The following TLL2 variants were observed in gnomAD, a reference collection of about 807,000 sequenced individuals.
TLL2 encodes tolloid like 2.
Under a neutral mutation model 123.0 loss-of-function variants are expected in TLL2, and 106 were observed. The ratio of observed to expected loss-of-function variants is 0.86; its 90% CI spans 0.74 to 1.01. The LOEUF (loss-of-function observed/expected upper bound fraction) is 1.01, where lower values mean the gene tolerates loss of function less well. TLL2 is among the 50% of genes least tolerant of loss of function. The pLI, the probability that TLL2 is intolerant of heterozygous loss-of-function variation, is 0.00. For synonymous variants in TLL2, 494 were observed against 516.8 expected (o/e 0.96, Z 0.60); for missense variants, 1,332 against 1,336.7 (o/e 1.00, Z 0.06).
At chr10:96,494,853 G>T (rs536942563) in intron 1 of TLL2, among the ~76,000 whole-genome samples, 1 of 152,068 alleles carries the variant, frequency 6.6e-6, no homozygotes, top group Admixed American at 6.5e-5. Flanking sequence ...GTTGACATGC[G>T]GATCCCCAGG....
chr10:96,513,446 G>T (rs879191508), intron 1 of TLL2, 65 bp downstream of exon 1: 3 of 1,585,850 alleles, frequency 1.9e-6, no homozygotes. Context: ...GTGCAGGCTT[G>T]CCCACCACCT....
At chr10:96,468,279 C>T (rs1241010589) in intron 2 of TLL2, among the ~76,000 whole-genome samples, 1 of 152,204 alleles carries the variant, frequency 6.6e-6, no homozygotes, top group African/African-American at 2.4e-5. Context: ...TCTCAGAACT[C>T]CCACAGTGCC....
chr10:96,410,756 G>T, intron 8 of TLL2: 1 of 522,368 alleles, frequency 1.9e-6, no homozygotes, highest in Non-Finnish European at 3.6e-6. Context: ...TGTGTGGCTT[G>T]GGCAAGTTTC....
At chr10:96,420,445 C>A (rs6584073) in intron 7 of TLL2, among the ~76,000 whole-genome samples, 1,679 of 152,338 alleles carry the variant, frequency 0.011, 34 homozygotes, top group South Asian at 0.077. Context: ...AGGTGGGAAC[C>A]TGGATCCTTG....
chr10:96,471,500 T>C (rs902971364), intron 2 of TLL2, among the ~76,000 whole-genome samples: 7 of 151,966 alleles, frequency 4.6e-5, no homozygotes, highest in Admixed American at 3.3e-4. Flanking sequence ...GACACAGAAG[T>C]TGGGGGTCGC....
intron 2 of TLL2, among the ~76,000 whole-genome samples, chr10:96,473,358 G>T (rs1847203568): frequency 2.0e-5 from 3 of 152,174 alleles, no homozygotes; most frequent in Admixed American, 2.0e-4. Context: ...AAGAGGCTGA[G>T]GCAGGAGAAT....
chr10:96,384,740 G>T lies in TLL2; in HGVS notation c.2041C>A (p.Arg681Ser), dbSNP rs1209887859. ...DVCKYDFVEVRSGLSPDAKLH... is the reference protein window; with the variant it reads ...DVCKYDFVEVSSGLSPDAKLH... Reference sequence around the variant, plus strand: ...TTGGCGTCGGGGGACAGGCCGCTGCGCACCTCTACAAAGTCGTACTTACAG... The same window carrying T: ...TTGGCGTCGGGGGACAGGCCGCTGCTCACCTCTACAAAGTCGTACTTACAG... Residue 681 changes from arginine (R) to serine (S), a missense_variant, in exon 16 of 21, where the codon CGC becomes AGC. Physicochemically the swap from Arg to Ser is moderately radical, Grantham distance 110. Coordinates refer to ENST00000357947, the MANE Select transcript of TLL2 (RefSeq NM_012465.4). The T allele has an allele frequency of 1.9e-6, 3 of 1,605,208 alleles. No individual in the cohort carries two copies. Among genetic ancestry groups the T allele is most frequent in the South Asian group, 1.1e-5 (1 of 90,082 alleles).
intron 1 of TLL2, among the ~76,000 whole-genome samples, chr10:96,496,436 C>T (rs1396711272): frequency 6.6e-6 from 1 of 152,084 alleles, no homozygotes; most frequent in African/African-American, 2.4e-5. Context: ...GCGCCCTACA[C>T]AGCTAGGTCC....
intron 3 of TLL2, among the ~76,000 whole-genome samples, chr10:96,437,249 G>C (rs1425454690): frequency 6.6e-6 from 1 of 152,066 alleles, no homozygotes; most frequent in African/African-American, 2.4e-5. Context: ...TTCACATGAA[G>C]TTGTAATAAA....
intron 13 of TLL2, 92 bp downstream of exon 13, chr10:96,395,094 TG>T (rs1846324412): frequency 7.5e-7 from 1 of 1,333,578 alleles, no homozygotes; most frequent in Non-Finnish European, 1.0e-6. Flanking sequence ...CCTTGTTTGG[TG>T]GTAAGCTTCC....
chr10:96,508,491 A>T (rs1386772991), intron 1 of TLL2, among the ~76,000 whole-genome samples: 1 of 152,200 alleles, frequency 6.6e-6, no homozygotes, highest in African/African-American at 2.4e-5. Flanking sequence ...ACCACCAGCT[A>T]TATTTATCCT....
intron 1 of TLL2, among the ~76,000 whole-genome samples, chr10:96,491,855 C>A (rs75423245): frequency 6.6e-6 from 1 of 152,030 alleles, no homozygotes; most frequent in African/African-American, 2.4e-5. Context: ...CACAGTTGGG[C>A]GTCGCAAGGA....
chr10:96,370,914 G>C (rs1465623162), intron 19 of TLL2, among the ~76,000 whole-genome samples: 1 of 152,212 alleles, frequency 6.6e-6, no homozygotes, highest in African/African-American at 2.4e-5. Context: ...CTCTGGGCTG[G>C]TATTCTGTAG....
At chr10:96,501,409 C>T (rs1847532058) in intron 1 of TLL2, among the ~76,000 whole-genome samples, 1 of 152,226 alleles carries the variant, frequency 6.6e-6, no homozygotes, top group Admixed American at 6.5e-5. Flanking sequence ...AGCCTGCATC[C>T]TCATGCTCCA....
At chr10:96,410,614 A>C (rs1337283129) in intron 8 of TLL2, 140 bp from the exon 9 acceptor site, 11 of 725,032 alleles carry the variant, frequency 1.5e-5, no homozygotes, top group South Asian at 1.5e-4. Context: ...TGTAGCAAGC[A>C]GATTGATGTT....
intron 13 of TLL2, among the ~76,000 whole-genome samples, chr10:96,392,095 G>A (rs748973524): frequency 1.1e-4 from 17 of 152,092 alleles, no homozygotes; most frequent in South Asian, 4.1e-4. Context: ...TTTCCTCGGC[G>A]TCTCCAGCCC....
At chr10:96,506,946 G>A (rs1307216056) in intron 1 of TLL2, among the ~76,000 whole-genome samples, 1 of 152,206 alleles carries the variant, frequency 6.6e-6, no homozygotes, top group Non-Finnish European at 1.5e-5. Context: ...AGCAAGGTCA[G>A]GGAGAAAATC....
At chr10:96,418,423 C>A (rs180676775) in intron 7 of TLL2, among the ~76,000 whole-genome samples, 2 of 152,256 alleles carry the variant, frequency 1.3e-5, no homozygotes, top group Admixed American at 1.3e-4. Flanking sequence ...ACTAAAGTAG[C>A]CATCGCATTG....
In TLL2 at chr10:96,513,637, G is replaced by A. The variant is rs1847654713; in HGVS notation, c.49C>T (p.Leu17=). 1.9e-6 allele frequency: 3 copies of A among 1,593,358 alleles called. No individual in the cohort carries two copies. The highest frequency in any genetic ancestry group is 2.6e-6 in the Non-Finnish European group (3 of 1,175,924). Residue 17 remains leucine, a synonymous_variant, in exon 1 of 21, where the codon CTG becomes TTG. Transcript: ENST00000357947. ...CCCCCGGCGCCGCGAGGCAGCGGCAGCAGCAGCAGCAGTGACACCAGGGCC... is the reference window on the plus strand; with the variant it reads ...CCCCCGGCGCCGCGAGGCAGCGGCAACAGCAGCAGCAGTGACACCAGGGCC... The part of the protein sequence containing the change: ...LGALVSLLLL[L]PLPRGAGGLG...
Sources: allele counts gnomAD v4.1 joint callset (sites outside exome capture counted in the v4.1 genomes callset), GRCh38; gene constraint gnomAD v4.1.1; transcripts MANE v1.5; gene names NCBI Gene and HGNC (gene_info 2026-07-23, HGNC 2026-07-21).